Variants in CDK5RAP2 observed in about 807,000 individuals in gnomAD.
CDK5RAP2 encodes CDK5 regulatory subunit-associated protein 2.
CDK5RAP2 carries 147 observed loss-of-function variants against 232.9 expected under a neutral mutation model. The observed-to-expected ratio is 0.63, with a 90% CI of 0.55 to 0.72. The LOEUF (loss-of-function observed/expected upper bound fraction) is 0.72, where lower values mean the gene tolerates loss of function less well. CDK5RAP2 is among the 30% of genes least tolerant of loss of function. The pLI, the probability that CDK5RAP2 is intolerant of heterozygous loss-of-function variation, is 0.00. For synonymous variants in CDK5RAP2, 833 were observed against 833.7 expected (o/e 1.00, Z 0.01); for missense variants, 2,195 against 2,231.5 (o/e 0.98, Z 0.33).
intron 3 of CDK5RAP2, among the ~76,000 whole-genome samples, chr9:120,563,126 G>C (rs2042520559): frequency 1.3e-5 from 2 of 152,146 alleles, no homozygotes; most frequent in African/African-American, 4.8e-5. Flanking sequence ...AGTTGGGGTA[G>C]CCTCTCTAAC....
At chr9:120,407,398 A>G in intron 31 of CDK5RAP2, 150 bp from the exon 32 acceptor site, 2 of 680,138 alleles carry the variant, frequency 2.9e-6, no homozygotes, top group African/African-American at 1.8e-5. Context: ...ACTTGACTTT[A>G]GAAACAAAAA....
At chr9:120,441,578 C>T (rs1022647955) in intron 23 of CDK5RAP2, among the ~76,000 whole-genome samples, 3 of 152,174 alleles carry the variant, frequency 2.0e-5, no homozygotes, top group Non-Finnish European at 4.4e-5. Flanking sequence ...AAAGCAACAA[C>T]GTGGGTTGGA....
In CDK5RAP2 at chr9:120,389,253, T is replaced by C; in HGVS notation, c.5665A>G (p.Ser1889Gly). ...AGTTCTTCTCAGGAGCCTGGTCTGC[T>C]GGGACTGCATGTTCCTGGATGGGCT... Reference protein sequence around the residue: ...GGAHPGTCSPSRPGS With the variant: ...GGAHPGTCSPGRPGS The change falls in exon 38 of 38, where the codon AGC becomes GGC. Residue 1889 changes from serine (S) to glycine (G), a missense_variant. Ser to Gly is a moderately conservative substitution (Grantham distance 56, BLOSUM62 0). Coordinates refer to ENST00000349780, the MANE Select transcript of CDK5RAP2 (RefSeq NM_018249.6). 1 of 1,612,984 alleles carries C rather than the reference T, an allele frequency of 6.2e-7. No homozygotes were observed. The highest frequency in any genetic ancestry group is 8.5e-7 in the Non-Finnish European group (1 of 1,179,542).
chr9:120,418,152 A>T (rs2034348604), intron 27 of CDK5RAP2, among the ~76,000 whole-genome samples: 1 of 152,216 alleles, frequency 6.6e-6, no homozygotes, highest in Non-Finnish European at 1.5e-5. Context: ...CTGAAGACAC[A>T]CCAAAAAAGA....
At chr9:120,509,029 A>G (rs1053008315) in intron 12 of CDK5RAP2, among the ~76,000 whole-genome samples, 2 of 152,180 alleles carry the variant, frequency 1.3e-5, no homozygotes, top group Admixed American at 6.5e-5. Context: ...CAGCAATTCC[A>G]TATAAAAACT....
chr9:120,562,383 A>G (rs1457559724), intron 3 of CDK5RAP2, among the ~76,000 whole-genome samples: 1 of 152,144 alleles, frequency 6.6e-6, no homozygotes, highest in African/African-American at 2.4e-5. Context: ...CCATCCCACT[A>G]CACAAATGAA....
chr9:120,471,758 C>A lies in CDK5RAP2; in HGVS notation c.1848G>T (p.Arg616=). 1 of 1,614,158 alleles carries A rather than the reference C, an allele frequency of 6.2e-7. No homozygotes were observed. The highest frequency in any genetic ancestry group is 8.5e-7 in the Non-Finnish European group (1 of 1,180,008). ...KTLEEQISEI[R]RREEESFSLY... ...GAATAAAGTGTGTACCTTCCCGCCTCCGAATTTCGCTGATCTGCTCCTCCA... is the reference window on the plus strand; with the variant it reads ...GAATAAAGTGTGTACCTTCCCGCCTACGAATTTCGCTGATCTGCTCCTCCA... The change falls in exon 16 of 38, where the codon CGG becomes CGT. Residue 616 remains arginine, a synonymous_variant. Transcript: ENST00000349780.
At chr9:120,568,262 G>T (rs1429891722) in intron 3 of CDK5RAP2, 59 bp downstream of exon 3, 8 of 1,311,578 alleles carry the variant, frequency 6.1e-6, no homozygotes, top group Non-Finnish European at 7.7e-6. Context: ...CCTGGGTCTG[G>T]CTGGACAGTG....
intron 13 of CDK5RAP2, among the ~76,000 whole-genome samples, chr9:120,488,766 A>G (rs2038742691): frequency 6.6e-6 from 1 of 152,272 alleles, no homozygotes; most frequent in African/African-American, 2.4e-5. Flanking sequence ...TAACTTAGCC[A>G]TATGGTGTTC....
At chr9:120,552,348 T>C (rs1241232853) in intron 3 of CDK5RAP2, among the ~76,000 whole-genome samples, 8 of 152,084 alleles carry the variant, frequency 5.3e-5, no homozygotes, top group Admixed American at 1.3e-4. Flanking sequence ...ACTGGGTATA[T>C]ACCCAAAGGA....
intron 10 of CDK5RAP2, among the ~76,000 whole-genome samples, chr9:120,526,770 G>A (rs368579394): frequency 2.0e-5 from 3 of 152,154 alleles, no homozygotes; most frequent in East Asian, 3.9e-4. Context: ...TTCTTCTCTC[G>A]CCTCCTTTAA....
chr9:120,540,022 G>A (rs1245629123), intron 5 of CDK5RAP2, among the ~76,000 whole-genome samples: 1 of 152,044 alleles, frequency 6.6e-6, no homozygotes, highest in Non-Finnish European at 1.5e-5. Flanking sequence ...TACCACTTAG[G>A]GCATAAAAAG....
rs2033249963 is a variant in CDK5RAP2 at position 120,403,889 on chromosome 9, C to T, written c.5041+147G>A. On this transcript the variant is annotated intron_variant, in intron 33 of 37. Transcript: ENST00000349780. The surrounding 1 kb of genome is among the most constrained non-coding windows in gnomAD (Gnocchi z 4.2). Reference sequence around the variant, plus strand: ...TTAACTGGCTTGAAGGAGAAGATCACCAGCTGGGGATGCTGAGAACTTGAA... The same window carrying T: ...TTAACTGGCTTGAAGGAGAAGATCATCAGCTGGGGATGCTGAGAACTTGAA... 5.8e-6 allele frequency: 4 copies of T among 691,558 alleles called. No homozygotes were observed. In the South Asian group the frequency reaches 6.2e-5, roughly 11 times the overall value. The allele number at this position is 691,558 out of a possible 1,614,324, so 42.8% of individuals were successfully genotyped here. A position where few individuals can be genotyped will look rare whatever the true frequency, so the allele number is the denominator to read the frequency against.
chr9:120,401,061 T>C (rs1256388399), intron 34 of CDK5RAP2, 176 bp from the exon 35 acceptor site: 12 of 639,348 alleles, frequency 1.9e-5, no homozygotes, highest in South Asian at 9.6e-5. Context: ...AATTGTAGAT[T>C]ATGAGAGAAT....
chr9:120,445,649 C>T lies in CDK5RAP2; in HGVS notation c.3026-1907G>A, dbSNP rs111528533. On this transcript the variant is annotated intron_variant, in intron 22 of 37. Coordinates refer to ENST00000349780, the MANE Select transcript of CDK5RAP2 (RefSeq NM_018249.6). ...CACTGCTAATCCCCTCCTTACTCAG[C>T]TTCTGGGGAGTCACCCTCTCTTGGA... 1.5e-3 allele frequency among the ~76,000 whole-genome samples: 234 copies of T among 152,314 alleles called. 1 individual carries two copies. The highest frequency in any genetic ancestry group is 5.1e-3 in the African/African-American group (211 of 41,570).
intron 3 of CDK5RAP2, 144 bp from the exon 4 acceptor site, chr9:120,551,046 A>T (rs992549191): frequency 1.5e-6 from 1 of 674,032 alleles, no homozygotes. Flanking sequence ...TTTTGCTACC[A>T]TTCTACTAAC....
At chr9:120,411,861 C>T (rs1191826269) in intron 28 of CDK5RAP2, among the ~76,000 whole-genome samples, 1 of 152,196 alleles carries the variant, frequency 6.6e-6, no homozygotes, top group Non-Finnish European at 1.5e-5. Context: ...TCCTTCCAAA[C>T]CTGCTCTCTC....
intron 25 of CDK5RAP2, among the ~76,000 whole-genome samples, chr9:120,429,860 T>C (rs1368283652): frequency 2.6e-5 from 4 of 152,146 alleles, no homozygotes; most frequent in Non-Finnish European, 5.9e-5. Flanking sequence ...CTTCAAACTA[T>C]ACTACAAGGC....
rs547360949 is a variant in CDK5RAP2, at chr9:120,561,137, A to G, written c.195+7184T>C. ...ACCCAAAGTTCATCTCTAGTAAACA[A>G]TACTGCATGTAAGATAATACTGCCT... On this transcript the variant is annotated intron_variant, in intron 3 of 37. Coordinates refer to ENST00000349780, the MANE Select transcript of CDK5RAP2 (RefSeq NM_018249.6). Among the ~76,000 whole-genome samples, 7 of 152,290 alleles carry G rather than the reference A, an allele frequency of 4.6e-5. No individual in the cohort carries two copies. The South Asian group carries it at 1.2e-3, about 27-fold the overall frequency.
Sources: allele counts gnomAD v4.1 joint callset (sites outside exome capture counted in the v4.1 genomes callset), GRCh38; gene constraint gnomAD v4.1.1; non-coding constraint Gnocchi (gnomAD v3.1); transcripts MANE v1.5; gene names NCBI Gene and HGNC (gene_info 2026-07-23, HGNC 2026-07-21).